SHISA6: variants seen among roughly 807,000 people sequenced by gnomAD.
SHISA6 encodes protein shisa-6.
Under a neutral mutation model 47.9 loss-of-function variants are expected in SHISA6, and 22 were observed. The observed-to-expected ratio is 0.46, with a 90% CI of 0.33 to 0.66. SHISA6 has a LOEUF of 0.66. Ranked by LOEUF, SHISA6 falls within the 30% of genes least tolerant of loss-of-function variation. The probability of loss-of-function intolerance (pLI) is 0.02; values close to 1 mark genes in which losing one functional copy is unlikely to be tolerated. For missense variants in SHISA6, 680 were observed against 764.6 expected (o/e 0.89, Z 1.30); for synonymous variants, 388 against 337.8 (o/e 1.15, Z -1.63).
intron 3 of SHISA6, among the ~76,000 whole-genome samples, chr17:11,511,616 T>C (rs1473329797): frequency 6.6e-6 from 1 of 151,980 alleles, no homozygotes; most frequent in Non-Finnish European, 1.5e-5. Context: ...ATCATGCTTG[T>C]TATTATCAAT....
chr17:11,325,868 T>G (rs901244798), intron 2 of SHISA6, among the ~76,000 whole-genome samples: 1 of 152,144 alleles, frequency 6.6e-6, no homozygotes, highest in Non-Finnish European at 1.5e-5. Context: ...CAATCTCTAG[T>G]TAACAATGCC....
At chr17:11,510,440 C>A (rs1411996988) in intron 3 of SHISA6, among the ~76,000 whole-genome samples, 2 of 152,122 alleles carry the variant, frequency 1.3e-5, no homozygotes, top group African/African-American at 4.8e-5. Context: ...TTGCAAAATG[C>A]AGGAACAGCC....
chr17:11,433,835 C>T (rs1914859808), intron 3 of SHISA6, among the ~76,000 whole-genome samples: 2 of 151,976 alleles, frequency 1.3e-5, no homozygotes, highest in Admixed American at 6.6e-5. Context: ...AGATGCAAAG[C>T]CCCAGGAGAG....
At chr17:11,546,088 C>G (rs1372767002) in intron 3 of SHISA6, among the ~76,000 whole-genome samples, 1 of 152,132 alleles carries the variant, frequency 6.6e-6, no homozygotes, top group Non-Finnish European at 1.5e-5. Context: ...ATAACTGTAG[C>G]CATTTTTGGA....
intron 2 of SHISA6, among the ~76,000 whole-genome samples, chr17:11,331,249 C>T (rs1419723280): frequency 6.6e-6 from 1 of 152,136 alleles, no homozygotes; most frequent in African/African-American, 2.4e-5. Context: ...TGTAACTGAA[C>T]ATAAGACATT....
intron 3 of SHISA6, among the ~76,000 whole-genome samples, chr17:11,381,005 C>T (rs150262802): frequency 1.3e-4 from 20 of 152,250 alleles, no homozygotes; most frequent in African/African-American, 3.9e-4. Context: ...ATCAGTTGCA[C>T]GCCATTACTT....
At chr17:11,289,607 C>T (rs1056003087) in intron 2 of SHISA6, 6 of 143,226 alleles carry the variant, frequency 4.2e-5, no homozygotes, top group African/African-American at 1.5e-4. Flanking sequence ...TATATACACA[C>T]ACACACAATA....
At chr17:11,555,627 G>T in intron 4 of SHISA6, 113 bp from the exon 5 acceptor site, 1 of 1,245,874 alleles carries the variant, frequency 8.0e-7, no homozygotes. Flanking sequence ...CTATGTCCAA[G>T]CACAGAGGTC....
chr17:11,514,415 C>A (rs2071565861), intron 3 of SHISA6, among the ~76,000 whole-genome samples: 1 of 152,138 alleles, frequency 6.6e-6, no homozygotes, highest in African/African-American at 2.4e-5. Context: ...TGGTATTGGT[C>A]ATCAAGTTTT....
At chr17:11,295,412 A>G (rs749464722) in intron 2 of SHISA6, among the ~76,000 whole-genome samples, 7 of 152,236 alleles carry the variant, frequency 4.6e-5, no homozygotes, top group Middle Eastern at 3.2e-3. Flanking sequence ...GGCAACTTAC[A>G]GTCAGTGGGG....
chr17:11,422,137 AC>A (rs1212942179), intron 3 of SHISA6, among the ~76,000 whole-genome samples: 1 of 152,178 alleles, frequency 6.6e-6, no homozygotes, highest in Non-Finnish European at 1.5e-5. Context: ...TAAGGCTAGC[AC>A]CTGTGACATA....
At chr17:11,408,040 T>TA (rs1395558422) in intron 3 of SHISA6, among the ~76,000 whole-genome samples, 2 of 152,210 alleles carry the variant, frequency 1.3e-5, no homozygotes, top group African/African-American at 4.8e-5. Flanking sequence ...CTGGACCAGA[T>TA]AAACACACTG....
intron 2 of SHISA6, among the ~76,000 whole-genome samples, chr17:11,295,778 A>C (rs1164464800): frequency 6.6e-6 from 1 of 152,066 alleles, no homozygotes; most frequent in African/African-American, 2.4e-5. Context: ...CCTGGCTAAC[A>C]CAGTGAAACC....
At chr17:11,488,231 C>G (rs746229764) in intron 3 of SHISA6, among the ~76,000 whole-genome samples, 4 of 152,008 alleles carry the variant, frequency 2.6e-5, no homozygotes. Flanking sequence ...TCGGTGTGCA[C>G]TATTTATAGG....
rs1908285130 is a variant in SHISA6 at position 11,262,889 on chromosome 17, CTGTGTGT to C, written c.639-473_639-467del. Reference sequence around the variant, plus strand: ...TCACACCCTTCCTTGATAGCAGGAGCTGTGTGTTGTACTTATTTGGGTCTCCAGTATC... The same window carrying C: ...TCACACCCTTCCTTGATAGCAGGAGCTGTACTTATTTGGGTCTCCAGTATC... On this transcript the variant is annotated intron_variant, in intron 1 of 5. Coordinates refer to ENST00000441885, the MANE Select transcript of SHISA6 (RefSeq NM_207386.4). 2.0e-5 allele frequency among the ~76,000 whole-genome samples: 3 copies of C among 152,160 alleles called. No homozygotes were observed. The South Asian group carries it at 6.2e-4, about 31-fold the overall frequency.
At chr17:11,468,103 T>C (rs963980492) in intron 3 of SHISA6, among the ~76,000 whole-genome samples, 6 of 152,064 alleles carry the variant, frequency 3.9e-5, no homozygotes, top group African/African-American at 1.4e-4. Context: ...ATTTGCTCTG[T>C]TTCCCTCTGT....
At chr17:11,289,923 A>T (rs1909459565) in intron 2 of SHISA6, 1 of 147,324 alleles carries the variant, frequency 6.8e-6, no homozygotes. Context: ...TTAATTTATT[A>T]TTTCCTTTTA....
At chr17:11,374,783 G>A (rs1051873076) in intron 2 of SHISA6, among the ~76,000 whole-genome samples, 2 of 151,732 alleles carry the variant, frequency 1.3e-5, no homozygotes, top group African/African-American at 4.8e-5. Context: ...TAGTACTTAA[G>A]TAATACTAGT....
intron 3 of SHISA6, among the ~76,000 whole-genome samples, chr17:11,498,067 T>C (rs2071422964): frequency 6.6e-6 from 1 of 152,218 alleles, no homozygotes; most frequent in African/African-American, 2.4e-5. Context: ...GAATGTTAAT[T>C]AGTTCTAGCT....
Sources: allele counts gnomAD v4.1 joint callset (sites outside exome capture counted in the v4.1 genomes callset), GRCh38; gene constraint gnomAD v4.1.1; transcripts MANE v1.5; gene names NCBI Gene and HGNC (gene_info 2026-07-23, HGNC 2026-07-21).